The following ADAMTS2 variants were observed in gnomAD, a reference collection of about 807,000 sequenced individuals.
ADAMTS2 encodes the protein ADAM metallopeptidase with thrombospondin type 1 motif 2.
In ADAMTS2, 50 loss-of-function variants were observed where a neutral mutation model predicts 123.0. That is an observed-to-expected ratio of 0.41 (90% CI 0.32 to 0.51). ADAMTS2 has a LOEUF of 0.51. Among genes scored for constraint, ADAMTS2 ranks in the 20% least tolerant of loss-of-function variants. The pLI is 0.35. For synonymous variants in ADAMTS2, 678 were observed against 695.4 expected (o/e 0.98, Z 0.39); for missense variants, 1,494 against 1,705.2 (o/e 0.88, Z 2.18).
intron 2 of ADAMTS2, among the ~76,000 whole-genome samples, chr5:179,328,928 C>A (rs1757384604): frequency 6.6e-6 from 1 of 152,154 alleles, no homozygotes; most frequent in Non-Finnish European, 1.5e-5. Context: ...GGGGACACTA[C>A]TTTAGGCATT....
At position 179,303,767 on chromosome 5, in the gene ADAMTS2, T is replaced by TG. The variant is rs1308207880; in HGVS notation, c.535-30704dup. 6.6e-6 allele frequency among the ~76,000 whole-genome samples: 1 copy of TG among 151,804 alleles called. No homozygotes were observed. The highest frequency in any genetic ancestry group is 2.4e-5 in the African/African-American group (1 of 41,304). The stretch of plus-strand genomic sequence containing the variant: ...GTGCTGTGGTCCTAGAAAGGTGGAG[T>TG]GAAACCCCATTGCTCTTTCCTCTTT... On this transcript the variant is annotated intron_variant, in intron 2 of 21. Coordinates refer to ENST00000251582, the MANE Select transcript of ADAMTS2 (RefSeq NM_014244.5). This position sits in a 1 kb window ranked among gnomAD's most constrained non-coding sequence, Gnocchi z 4.7.
chr5:179,214,541 A>G (rs1307728278), intron 3 of ADAMTS2, among the ~76,000 whole-genome samples: 1 of 150,428 alleles, frequency 6.6e-6, no homozygotes, highest in East Asian at 1.9e-4. Flanking sequence ...AAAATAATGC[A>G]AAGATCAAGA....
chr5:179,208,156 A>T (rs1161398389), intron 3 of ADAMTS2, among the ~76,000 whole-genome samples: 1 of 150,632 alleles, frequency 6.6e-6, no homozygotes, highest in Non-Finnish European at 1.5e-5. Context: ...CCTTGCCCAC[A>T]CTGCCCGATG....
At chr5:179,302,359 G>A (rs1284372713) in intron 2 of ADAMTS2, among the ~76,000 whole-genome samples, 1 of 142,118 alleles carries the variant, frequency 7.0e-6, no homozygotes, top group Non-Finnish European at 1.5e-5. Context: ...GCTGCTCTGG[G>A]CGACAGAGCA....
In ADAMTS2 at chr5:179,132,719, G is replaced by A. The variant is rs887667529; in HGVS notation, c.2209+58C>T. On this transcript the variant is annotated intron_variant, in intron 14 of 21. Coordinates refer to ENST00000251582, the MANE Select transcript of ADAMTS2 (RefSeq NM_014244.5). The surrounding 1 kb of genome is among the most constrained non-coding windows in gnomAD (Gnocchi z 6.1). Reference sequence around the variant, plus strand: ...GGATGAGTCAGGCCCTCAGCTGTCCGGGCATGAGCCTGCTGCAGGCATCCA... The same window carrying A: ...GGATGAGTCAGGCCCTCAGCTGTCCAGGCATGAGCCTGCTGCAGGCATCCA... 29 of 1,612,216 alleles carry A rather than the reference G, an allele frequency of 1.8e-5. No homozygotes were observed. Among genetic ancestry groups the A allele is most frequent in the African/African-American group, 4.0e-5 (3 of 74,862 alleles).
At position 179,322,218 on chromosome 5, in the gene ADAMTS2, C is replaced by T. The variant is rs138490425; in HGVS notation, c.534+21549G>A. Among the ~76,000 whole-genome samples the T allele has an allele frequency of 5.0e-3, 758 of 152,312 alleles. 5 individuals carry two copies. The highest frequency in any genetic ancestry group is 0.017 in the African/African-American group (717 of 41,570). ...GACAGGACAAAAAGTTGCCAGCCAT[C>T]GTGAGTCACCCCAGGACTGCCGGTG... On this transcript the variant is annotated intron_variant, in intron 2 of 21. Transcript: ENST00000251582.
At chr5:179,283,215 C>T (rs1308294385) in intron 2 of ADAMTS2, among the ~76,000 whole-genome samples, 1 of 151,394 alleles carries the variant, frequency 6.6e-6, no homozygotes, top group Non-Finnish European at 1.5e-5. Flanking sequence ...AGACATTTAG[C>T]ATATATTCTG....
chr5:179,243,402 T>C (rs1424908387), intron 3 of ADAMTS2, among the ~76,000 whole-genome samples: 2 of 152,148 alleles, frequency 1.3e-5, no homozygotes, highest in Non-Finnish European at 2.9e-5. Flanking sequence ...GGGACAGTCA[T>C]AGGGAGCCCT....
At position 179,260,033 on chromosome 5, in the gene ADAMTS2, G is replaced by A. The variant is rs1247335150; in HGVS notation, c.688+12878C>T. On this transcript the variant is annotated intron_variant, in intron 3 of 21. Coordinates refer to ENST00000251582, the MANE Select transcript of ADAMTS2 (RefSeq NM_014244.5). This position sits in a 1 kb window ranked among gnomAD's most constrained non-coding sequence, Gnocchi z 4.2. ...ATGACAGAGTGTTAAAGTGGGCATA[G>A]GGCCCTGCCGGATGGGTCACAAGCC... Among the ~76,000 whole-genome samples, 1 of 152,224 alleles carries A rather than the reference G, an allele frequency of 6.6e-6. No individual in the cohort carries two copies. The highest frequency in any genetic ancestry group is 2.4e-5 in the African/African-American group (1 of 41,464).
intron 10 of ADAMTS2, among the ~76,000 whole-genome samples, chr5:179,148,311 T>C (rs1763289026): frequency 6.6e-6 from 1 of 151,976 alleles, no homozygotes; most frequent in Non-Finnish European, 1.5e-5. Flanking sequence ...CGTTTATTCC[T>C]CAAGCTGTGG....
At chr5:179,182,141 GGT>G (rs1383388256) in intron 4 of ADAMTS2, among the ~76,000 whole-genome samples, 2 of 152,204 alleles carry the variant, frequency 1.3e-5, no homozygotes, top group African/African-American at 2.4e-5. Flanking sequence ...TCAAGCACAA[GGT>G]GTGTTATTTC....
At chr5:179,316,333 C>T (rs971818301) in intron 2 of ADAMTS2, among the ~76,000 whole-genome samples, 2 of 152,206 alleles carry the variant, frequency 1.3e-5, no homozygotes, top group African/African-American at 4.8e-5. Flanking sequence ...AGAGGCCACA[C>T]CAGAGCAGCA....
intron 13 of ADAMTS2, among the ~76,000 whole-genome samples, chr5:179,135,036 C>CCCCCAGCTCCCGGCTCCAGT (rs1763038491): frequency 1.9e-5 from 2 of 104,386 alleles, no homozygotes; most frequent in East Asian, 5.2e-4. Flanking sequence ...CCAGCTCCAG[C>CCCCCAGCTCCCGGCTCCAGT]CCCCAGCTCC....
intron 2 of ADAMTS2, among the ~76,000 whole-genome samples, chr5:179,328,954 G>T (rs1000009733): frequency 6.6e-6 from 1 of 152,098 alleles, no homozygotes; most frequent in Non-Finnish European, 1.5e-5. Context: ...AAAACCTCAC[G>T]ATGGTGATAC....
rs148045172 is a variant in ADAMTS2, at chr5:179,311,135, G to A, written c.534+32632C>T. 4.3e-3 allele frequency among the ~76,000 whole-genome samples: 651 copies of A among 151,998 alleles called. 2 individuals are homozygous for A. The highest frequency in any genetic ancestry group is 6.8e-3 in the Middle Eastern group (2 of 294). ...ACAGCATTATATAAGGGGAGGATGC[G>A]TATGTTCAGCAGATGTTCACTCTGA... On this transcript the variant is annotated intron_variant, in intron 2 of 21. Coordinates refer to ENST00000251582, the MANE Select transcript of ADAMTS2 (RefSeq NM_014244.5).
chr5:179,125,209 G>T, intron 18 of ADAMTS2, 29 bp from the exon 19 acceptor site: 2 of 1,605,024 alleles, frequency 1.2e-6, no homozygotes, highest in Non-Finnish European at 8.5e-7. Context: ...GCACAGTCAG[G>T]CTTCCGCAGC....
Position 179,171,942 on chromosome 5 carries a change from C to G in ADAMTS2, c.975+9130G>C, listed in dbSNP as rs531597694. On this transcript the variant is annotated intron_variant, in intron 5 of 21. Transcript: ENST00000251582. ...GTCCTGGGTCCCACACCCCTCACAACCCAGCACTGCCTCTCCCCTGCCTCC... is the reference window on the plus strand; with the variant it reads ...GTCCTGGGTCCCACACCCCTCACAAGCCAGCACTGCCTCTCCCCTGCCTCC... Among the ~76,000 whole-genome samples, 3 of 152,290 alleles carry G rather than the reference C, an allele frequency of 2.0e-5. No homozygotes were observed. In the South Asian group the frequency reaches 6.2e-4, roughly 32 times the overall value.
intron 13 of ADAMTS2, among the ~76,000 whole-genome samples, chr5:179,134,769 GGCTCCATCCCCCA>G: frequency 1.2e-5 from 1 of 85,294 alleles, no homozygotes; most frequent in African/African-American, 6.1e-5. Context: ...TCCAGCTCCC[GGCTCCATCCCCCA>G]GCTCCCGGCT....
chr5:179,213,220 G>A (rs867713081), intron 3 of ADAMTS2, among the ~76,000 whole-genome samples: 2 of 152,166 alleles, frequency 1.3e-5, no homozygotes, highest in Admixed American at 6.5e-5. Context: ...CTGCTGAAAT[G>A]TCAGCTCCTA....
Sources: allele counts gnomAD v4.1 joint callset (sites outside exome capture counted in the v4.1 genomes callset), GRCh38; gene constraint gnomAD v4.1.1; non-coding constraint Gnocchi (gnomAD v3.1); transcripts MANE v1.5; gene names NCBI Gene and HGNC (gene_info 2026-07-23, HGNC 2026-07-21).